Variants in STAG1 observed in about 807,000 individuals in gnomAD.
The protein encoded by STAG1 is STAG1 cohesin complex component.
A neutral mutation model predicts 170.9 loss-of-function variants in STAG1; 26 were observed. The observed-to-expected ratio is 0.15, with a 90% CI of 0.11 to 0.21. The LOEUF is 0.21. STAG1 is among the 10% of genes least tolerant of loss of function. The pLI is 1.00. For missense variants in STAG1, 964 were observed against 1,509.5 expected (o/e 0.64, Z 5.99); for synonymous variants, 514 against 497.7 (o/e 1.03, Z -0.44).
intron 16 of STAG1, among the ~76,000 whole-genome samples, chr3:136,427,060 TAAAAA>T (rs1053830833): frequency 8.3e-6 from 1 of 119,902 alleles, no homozygotes; most frequent in East Asian, 2.4e-4. Flanking sequence ...ACTCGTCTCT[TAAAAA>T]AAAAAAAAAA....
rs186584221 is a variant in STAG1, at chr3:136,580,823, G to A, written c.298-11962C>T. On this transcript the variant is annotated intron_variant, in intron 4 of 33. Coordinates refer to ENST00000383202, the MANE Select transcript of STAG1 (RefSeq NM_005862.3). ...GCTGGGATTACAGGCGTGAGCCACCGCACCCGGCCTCTTGTATAATTCTTA... is the reference window on the plus strand; with the variant it reads ...GCTGGGATTACAGGCGTGAGCCACCACACCCGGCCTCTTGTATAATTCTTA... Among the ~76,000 whole-genome samples, 768 of 151,974 alleles carry A rather than the reference G, an allele frequency of 5.1e-3. 6 individuals are homozygous for A. The highest frequency in any genetic ancestry group is 0.013 in the Admixed American group (196 of 15,276).
chr3:136,347,076 C>G (rs2108265228), intron 29 of STAG1, among the ~76,000 whole-genome samples: 1 of 141,020 alleles, frequency 7.1e-6, no homozygotes, highest in Admixed American at 7.1e-5. Context: ...GAGACCCTGT[C>G]TCATTAAAAA....
intron 3 of STAG1, among the ~76,000 whole-genome samples, chr3:136,612,390 G>T (rs1939342551): frequency 6.6e-6 from 1 of 151,874 alleles, no homozygotes; most frequent in Non-Finnish European, 1.5e-5. Context: ...AAGGATTGCT[G>T]AGGCCAAGAG....
At chr3:136,477,918 T>C (rs2089795740) in intron 9 of STAG1, among the ~76,000 whole-genome samples, 1 of 152,118 alleles carries the variant, frequency 6.6e-6, no homozygotes, top group African/African-American at 2.4e-5. Flanking sequence ...GCCACCCAAG[T>C]AGCTGAGACT....
At position 136,740,087 on chromosome 3, in the gene STAG1, A is replaced by G. The variant is rs567220360; in HGVS notation, c.-84+12108T>C. 3.3e-5 allele frequency among the ~76,000 whole-genome samples: 5 copies of G among 152,174 alleles called. No individual in the cohort carries two copies. The East Asian group carries it at 9.7e-4, about 29-fold the overall frequency. On this transcript the variant is annotated intron_variant, in intron 1 of 33. Transcript: ENST00000383202. ...TACAGTACATTATGTAAAATTCTAA[A>G]TAACAGTTTAAAGAATTTTAAAGCA...
At chr3:136,351,039 T>C (rs1313811164) in intron 28 of STAG1, among the ~76,000 whole-genome samples, 1 of 152,214 alleles carries the variant, frequency 6.6e-6, no homozygotes, top group Non-Finnish European at 1.5e-5. Context: ...AGACATCATA[T>C]ATATACACCT....
intron 9 of STAG1, among the ~76,000 whole-genome samples, chr3:136,495,447 A>C (rs1933026394): frequency 6.6e-6 from 1 of 152,208 alleles, no homozygotes; most frequent in Non-Finnish European, 1.5e-5. Context: ...GGGCCATACA[A>C]ATTGAAAACA....
At chr3:136,358,643 T>C (rs1047576286) in intron 27 of STAG1, among the ~76,000 whole-genome samples, 2 of 152,166 alleles carry the variant, frequency 1.3e-5, no homozygotes, top group African/African-American at 4.8e-5. Flanking sequence ...GGTACAATCA[T>C]AGCTCACTAT....
chr3:136,542,055 A>G, intron 6 of STAG1, 64 bp downstream of exon 6: 1 of 1,193,274 alleles, frequency 8.4e-7, no homozygotes, highest in Non-Finnish European at 1.2e-6. Context: ...AACCTGAGAT[A>G]ATCAACATAT....
chr3:136,465,722 G>C (rs2089436413), intron 12 of STAG1, among the ~76,000 whole-genome samples: 2 of 151,842 alleles, frequency 1.3e-5, no homozygotes, highest in South Asian at 2.1e-4. Context: ...CCACATATTA[G>C]ACCAACACAA....
At chr3:136,341,645 T>C in intron 30 of STAG1, 94 bp from the exon 31 acceptor site, 1 of 761,792 alleles carries the variant, frequency 1.3e-6, no homozygotes, top group Non-Finnish European at 2.2e-6. Context: ...GTTTACTTAA[T>C]CCCATGTTGG....
rs972078183 is a variant in STAG1 at position 136,407,087 on chromosome 3, C to T, written c.2197-8258G>A. 1.1e-4 allele frequency among the ~76,000 whole-genome samples: 17 copies of T among 152,222 alleles called. No individual in the cohort carries two copies. The East Asian group carries it at 1.2e-3, about 10-fold the overall frequency. On this transcript the variant is annotated intron_variant, in intron 21 of 33. Transcript: ENST00000383202. ...TGTTGCCCAGGCTGGAGCGCAGTTG[C>T]GCAATCTCAGCTCACTGCAACCTCG...
chr3:136,746,004 T>A (rs1406749133), intron 1 of STAG1, among the ~76,000 whole-genome samples: 1 of 152,094 alleles, frequency 6.6e-6, no homozygotes, highest in East Asian at 1.9e-4. Context: ...GTATGTTATA[T>A]AAAGAAAAGA....
chr3:136,629,447 C>T (rs1940237879), intron 2 of STAG1, among the ~76,000 whole-genome samples: 1 of 151,624 alleles, frequency 6.6e-6, no homozygotes, highest in South Asian at 2.1e-4. Flanking sequence ...GCCCTCCAAA[C>T]TTAAATATCA....
At chr3:136,429,648 T>A (rs1026926752) in intron 16 of STAG1, among the ~76,000 whole-genome samples, 1 of 152,206 alleles carries the variant, frequency 6.6e-6, no homozygotes, top group Admixed American at 6.5e-5. Flanking sequence ...AGGATTGGTA[T>A]CACACAGAAT....
chr3:136,564,635 C>A (rs1055492503), intron 5 of STAG1, among the ~76,000 whole-genome samples: 17 of 152,014 alleles, frequency 1.1e-4, no homozygotes, highest in African/African-American at 3.6e-4. Flanking sequence ...AGAAAATATG[C>A]TTCTATGCCC....
chr3:136,751,065 C>T (rs1417863840), intron 1 of STAG1, among the ~76,000 whole-genome samples: 1 of 152,158 alleles, frequency 6.6e-6, no homozygotes. Flanking sequence ...CAAGTAAACA[C>T]TATTTTTGCG....
chr3:136,686,339 G>A (rs1942532232), intron 1 of STAG1, among the ~76,000 whole-genome samples: 2 of 152,148 alleles, frequency 1.3e-5, no homozygotes, highest in Admixed American at 6.5e-5. Context: ...GTGTGGAAAT[G>A]GATGTATCCT....
At chr3:136,664,978 T>G (rs1356211783) in intron 1 of STAG1, among the ~76,000 whole-genome samples, 1 of 152,238 alleles carries the variant, frequency 6.6e-6, no homozygotes, top group Non-Finnish European at 1.5e-5. Flanking sequence ...CACAAAGGAT[T>G]ATTTTCAGGC....
Sources: allele counts gnomAD v4.1 joint callset (sites outside exome capture counted in the v4.1 genomes callset), GRCh38; gene constraint gnomAD v4.1.1; transcripts MANE v1.5; gene names NCBI Gene and HGNC (gene_info 2026-07-23, HGNC 2026-07-21).